MAF: variants seen among roughly 807,000 people sequenced by gnomAD.
MAF encodes the protein MAF bZIP transcription factor, also known as transcription factor Maf.
Under a neutral mutation model 22.0 loss-of-function variants are expected in MAF, and 10 were observed. The ratio of observed to expected loss-of-function variants is 0.45; its 90% CI spans 0.28 to 0.77. The LOEUF is 0.77. Ranked by LOEUF, MAF falls within the 30% of genes least tolerant of loss-of-function variation. MAF has a pLI of 0.12. For missense variants in MAF, 544 were observed against 548.4 expected, an observed-to-expected ratio of 0.99 and a Z score of 0.08; for synonymous variants, 337 against 255.8, an observed-to-expected ratio of 1.32 and a Z score of -3.03.
At chr16:79,211,755 G>A in the MAF span, 527 of 1,614,200 alleles carry the variant, frequency 3.3e-4, no homozygotes, top group South Asian at 5.6e-4. Context: ...GGCGCTCAGC[G>A]AGAGGCTGAT....
At chr16:79,369,555 ATTTCTT>A in the MAF span, among the ~76,000 whole-genome samples, 4 of 152,164 alleles carry the variant, frequency 2.6e-5, no homozygotes, top group Admixed American at 2.6e-4. Flanking sequence ...GTTTGCAAAT[ATTTCTT>A]TTTCTTTATT....
At chr16:79,509,948 C>T in the MAF span, among the ~76,000 whole-genome samples, 666 of 152,312 alleles carry the variant, frequency 4.4e-3, 7 homozygotes, top group African/African-American at 0.015. Flanking sequence ...AGGGACTCAC[C>T]GCTGAAGGAT....
At chr16:79,237,218 G>A in the MAF span, among the ~76,000 whole-genome samples, 1 of 152,030 alleles carries the variant, frequency 6.6e-6, no homozygotes, top group Non-Finnish European at 1.5e-5. Flanking sequence ...CGCAGTTGGT[G>A]TCCATGCACC....
rs1251371757 is a variant in MAF, at chr16:79,599,076, C to T, written c.827G>A (p.Arg276Gln). The T allele has an allele frequency of 1.2e-6, 2 of 1,610,238 alleles. No homozygotes were observed. Among genetic ancestry groups the T allele is most frequent in the Non-Finnish European group, 8.5e-7 (1 of 1,179,724 alleles). Residue 276 changes from arginine to glutamine, a missense_variant, in exon 1 of 2, where the codon CGG becomes CAG. Around this residue, in one of 5 missense-constraint regions of MAF, gnomAD observed 342 missense variants for 315.5 expected, o/e 1.08. Transcript: ENST00000326043. ...LVTMSVRELN[R>Q]QLRGVSKEEV... ...CTCCTTGCTGACCCCGCGCAGCTGC[C>T]GGTTCAGCTCGCGCACAGACATGGT...
At chr16:79,299,926 G>A in the MAF span, among the ~76,000 whole-genome samples, 1 of 152,316 alleles carries the variant, frequency 6.6e-6, no homozygotes, top group Admixed American at 6.5e-5. Flanking sequence ...TTGGCAAACA[G>A]GGCTTTCTGA....
chr16:79,320,537 C>T, the MAF span, among the ~76,000 whole-genome samples: 1 of 152,192 alleles, frequency 6.6e-6, no homozygotes, highest in African/African-American at 2.4e-5. Flanking sequence ...GGTACTCCCC[C>T]AATCTACCTA....
At chr16:79,209,563 G>A in the MAF span, among the ~76,000 whole-genome samples, 5 of 152,278 alleles carry the variant, frequency 3.3e-5, no homozygotes, top group African/African-American at 4.8e-5. Context: ...CCCACCACTC[G>A]GGAGTTAATG....
chr16:79,494,583 T>G, the MAF span, among the ~76,000 whole-genome samples: 1 of 152,074 alleles, frequency 6.6e-6, no homozygotes, highest in Non-Finnish European at 1.5e-5. Context: ...ATAACCTCAA[T>G]CACATCTGCA....
chr16:79,221,076 G>A, the MAF span, among the ~76,000 whole-genome samples: 2 of 152,262 alleles, frequency 1.3e-5, no homozygotes, highest in Admixed American at 1.3e-4. Flanking sequence ...CCAGCCTTTT[G>A]ATAGTGTTCA....
At chr16:79,402,205 A>G in the MAF span, among the ~76,000 whole-genome samples, 1 of 152,164 alleles carries the variant, frequency 6.6e-6, no homozygotes. Context: ...TCTTCATAAG[A>G]CCTTTAGGAA....
At chr16:79,497,375 C>T in the MAF span, among the ~76,000 whole-genome samples, 1 of 152,298 alleles carries the variant, frequency 6.6e-6, no homozygotes, top group East Asian at 1.9e-4. Flanking sequence ...ACTCTCCTCA[C>T]CCCACTCCAC....
chr16:79,304,269 C>G, the MAF span, among the ~76,000 whole-genome samples: 2 of 152,170 alleles, frequency 1.3e-5, no homozygotes, highest in South Asian at 2.1e-4. Context: ...GCTCCCTCCC[C>G]CTTTCCAGGC....
the MAF span, among the ~76,000 whole-genome samples, chr16:79,354,191 C>T: frequency 6.6e-6 from 1 of 151,862 alleles, no homozygotes; most frequent in South Asian, 2.1e-4. Context: ...TAGAGTTTTG[C>T]CATGTTGCCC....
the MAF span, among the ~76,000 whole-genome samples, chr16:79,558,843 C>T: frequency 2.0e-5 from 3 of 152,150 alleles, no homozygotes; most frequent in Admixed American, 1.3e-4. Flanking sequence ...AATAGGGGCT[C>T]CTGATTCTTT....
chr16:79,252,935 T>A, the MAF span, among the ~76,000 whole-genome samples: 4 of 152,324 alleles, frequency 2.6e-5, no homozygotes, highest in Non-Finnish European at 5.9e-5. Flanking sequence ...CTCCGTACTT[T>A]CCTCTCCATT....
the MAF span, among the ~76,000 whole-genome samples, chr16:79,332,152 T>C: frequency 6.6e-6 from 1 of 152,178 alleles, no homozygotes; most frequent in Non-Finnish European, 1.5e-5. Flanking sequence ...CTACTCTTGC[T>C]CCAACTCTGC....
the MAF span, among the ~76,000 whole-genome samples, chr16:79,227,468 A>T: frequency 6.6e-6 from 1 of 152,100 alleles, no homozygotes; most frequent in East Asian, 1.9e-4. Flanking sequence ...TCAACAAGAG[A>T]CTTTTTTTCC....
chr16:79,336,833 T>C, the MAF span, among the ~76,000 whole-genome samples: 3 of 152,252 alleles, frequency 2.0e-5, no homozygotes, highest in African/African-American at 2.4e-5. Flanking sequence ...CTTCTGGAGC[T>C]ACAAATTAAT....
chr16:79,215,137 G>C, the MAF span, among the ~76,000 whole-genome samples: 1,207 of 152,320 alleles, frequency 7.9e-3, 37 homozygotes, highest in East Asian at 0.11. Flanking sequence ...AATTGATAGA[G>C]CTGCAGTTCA....
Sources: allele counts gnomAD v4.1 joint callset (sites outside exome capture counted in the v4.1 genomes callset), GRCh38; gene constraint gnomAD v4.1.1; regional missense constraint gnomAD v4.1.1; transcripts MANE v1.5; gene names NCBI Gene and HGNC (gene_info 2026-07-23, HGNC 2026-07-21).